Variants in ATG2B observed in about 807,000 individuals in gnomAD.
ATG2B encodes the protein autophagy related 2B, also known as autophagy-related protein 2 homolog B.
Under a neutral mutation model 241.3 loss-of-function variants are expected in ATG2B, and 121 were observed. That is an observed-to-expected ratio of 0.50 (90% CI 0.43 to 0.58). ATG2B has a LOEUF of 0.58. ATG2B is among the 20% of genes least tolerant of loss of function. ATG2B has a pLI of 0.00. For synonymous variants in ATG2B, 858 were observed against 876.6 expected (o/e 0.98, Z 0.37); for missense variants, 2,306 against 2,491.6 (o/e 0.93, Z 1.59).
intron 18 of ATG2B, among the ~76,000 whole-genome samples, chr14:96,320,215 T>C (rs1370519435): frequency 6.6e-6 from 1 of 152,206 alleles, no homozygotes; most frequent in East Asian, 1.9e-4. Flanking sequence ...CTAGTAGAGC[T>C]GAGAACTGTT....
At position 96,304,549 on chromosome 14, in the gene ATG2B, T is replaced by A. The variant is rs1886879670; in HGVS notation, c.4788A>T (p.Val1596=). 1 of 1,612,452 alleles carries A rather than the reference T, an allele frequency of 6.2e-7. No individual in the cohort carries two copies. The highest frequency in any genetic ancestry group is 8.5e-7 in the Non-Finnish European group (1 of 1,179,534). ...CATGGTTCCTTCCTTTTCCCCCACATACTGTATTACGTCCATGTCTCGTGG... is the reference window on the plus strand; with the variant it reads ...CATGGTTCCTTCCTTTTCCCCCACAAACTGTATTACGTCCATGTCTCGTGG... ...HTPTRHGRNT[V]CGGKGRNHDF... The change falls in exon 32 of 42, where the codon GTA becomes GTT. Residue 1596 remains valine, a synonymous_variant. Coordinates refer to ENST00000359933, the MANE Select transcript of ATG2B (RefSeq NM_018036.7).
chr14:96,350,732 G>A (rs902955973), intron 1 of ATG2B, among the ~76,000 whole-genome samples: 12 of 152,086 alleles, frequency 7.9e-5, no homozygotes, highest in Admixed American at 1.3e-4. Flanking sequence ...TTTATTTTTG[G>A]AGATCACTAC....
intron 11 of ATG2B, among the ~76,000 whole-genome samples, chr14:96,330,556 G>A (rs1434634238): frequency 2.0e-5 from 3 of 152,036 alleles, no homozygotes; most frequent in African/African-American, 7.2e-5. Flanking sequence ...TGGAGGGCAG[G>A]AGTTCGAGAC....
intron 36 of ATG2B, chr14:96,292,942 T>C (rs972093209): frequency 2.6e-5 from 4 of 152,250 alleles, no homozygotes; most frequent in East Asian, 1.9e-4. Context: ...AGATTACTTA[T>C]AGTATTAATA....
intron 29 of ATG2B, among the ~76,000 whole-genome samples, chr14:96,308,268 A>ATATATG (rs1555365533): frequency 1.0e-3 from 16 of 15,344 alleles, no homozygotes; most frequent in East Asian, 8.4e-3. Context: ...ATATATATAT[A>ATATATG]TATATATATA....
At position 96,303,109 on chromosome 14, in the gene ATG2B, T is replaced by A; in HGVS notation, c.4989A>T (p.Leu1663Phe). ...RLATSQMNKFLYLYCSKEMPR... is the reference protein window; with the variant it reads ...RLATSQMNKFFYLYCSKEMPR... ...GCATTTCTTTACTGCAATACAGGTA[T>A]AAAAATTTATTCATTTGTGATGTTG... Residue 1663 changes from leucine (L) to phenylalanine (F), a missense_variant, in exon 33 of 42, where the codon TTA becomes TTT. Leu to Phe is a conservative substitution (Grantham distance 22, BLOSUM62 0). Transcript: ENST00000359933. 6.2e-7 allele frequency: 1 copy of A among 1,611,906 alleles called. No individual in the cohort carries two copies. Among genetic ancestry groups the A allele is most frequent in the Non-Finnish European group, 8.5e-7 (1 of 1,179,024 alleles).
intron 36 of ATG2B, among the ~76,000 whole-genome samples, chr14:96,294,133 T>C (rs1157724701): frequency 6.6e-6 from 1 of 152,234 alleles, no homozygotes; most frequent in African/African-American, 2.4e-5. Context: ...ATTTAAAACG[T>C]GACAACCCTT....
At chr14:96,286,016 G>C in intron 41 of ATG2B, 31 bp from the exon 42 acceptor site, 2 of 1,568,756 alleles carry the variant, frequency 1.3e-6, no homozygotes, top group Non-Finnish European at 8.7e-7. Context: ...GGAGAGAGGA[G>C]GGCAGTGAAC....
rs1447730554 is a variant in ATG2B at position 96,283,798 on chromosome 14, CTT to C, written c.*1955_*1956del. ...CATCTTGGCTGAACTGACAACGAAT[CTT>C]TTTGAGACACAACGTTTCTGTTCCC... On this transcript the variant is annotated 3_prime_UTR_variant, in exon 42 of 42. Transcript: ENST00000359933. 1 of 152,226 alleles carries C rather than the reference CTT, an allele frequency of 6.6e-6. No homozygotes were observed. The highest frequency in any genetic ancestry group is 2.4e-5 in the African/African-American group (1 of 41,448). The allele number at this position is 152,226 out of a possible 1,614,324, so 9.4% of individuals were successfully genotyped here. A position where few individuals can be genotyped will look rare whatever the true frequency, so the allele number is the denominator to read the frequency against.
At position 96,332,326 on chromosome 14, in the gene ATG2B, G is replaced by A. The variant is rs1164152428; in HGVS notation, c.1447C>T (p.Pro483Ser). ...TTACATGTCTTCTGTAAAGGTGTTG[G>A]GTGAACTAGGTTGGATGGAAATGTT... ...GSTFPSNLVH[P>S]TPLQKTSLPS... Residue 483 changes from proline (P) to serine (S), a missense_variant, in exon 10 of 42, where the codon CCA (proline) becomes TCA (serine). Pro to Ser is a moderately conservative substitution (Grantham distance 74). Coordinates refer to ENST00000359933, the MANE Select transcript of ATG2B (RefSeq NM_018036.7). 2 of 1,613,396 alleles carry A rather than the reference G, an allele frequency of 1.2e-6. No individual in the cohort carries two copies. The highest frequency in any genetic ancestry group is 1.7e-5 in the Admixed American group (1 of 60,008).
chr14:96,332,714 G>A, intron 8 of ATG2B, 59 bp from the exon 9 acceptor site: 3 of 1,392,670 alleles, frequency 2.2e-6, no homozygotes, highest in Non-Finnish European at 2.9e-6. Flanking sequence ...AGTCTTTTAA[G>A]TAAGTTAATA....
At chr14:96,336,967 C>T (rs988256193) in intron 6 of ATG2B, among the ~76,000 whole-genome samples, 1 of 152,180 alleles carries the variant, frequency 6.6e-6, no homozygotes, top group African/African-American at 2.4e-5. Context: ...CTACTTTCCT[C>T]CTCCTCCAAC....
intron 37 of ATG2B, 151 bp downstream of exon 37, chr14:96,291,874 GTAAA>G: frequency 1.6e-6 from 1 of 619,392 alleles, no homozygotes; most frequent in Non-Finnish European, 2.6e-6. Flanking sequence ...TGGTACTTAA[GTAAA>G]TATTTACATT....
chr14:96,316,878 T>C (rs1887327789), intron 20 of ATG2B, among the ~76,000 whole-genome samples, 195 bp from the exon 21 acceptor site: 3 of 152,230 alleles, frequency 2.0e-5, no homozygotes, highest in Admixed American at 6.5e-5. Flanking sequence ...GAACCTCTTC[T>C]ATCAGATGAA....
At chr14:96,329,416 T>C (rs1887671259) in intron 12 of ATG2B, 68 bp downstream of exon 12, 7 of 1,129,556 alleles carry the variant, frequency 6.2e-6, no homozygotes, top group African/African-American at 1.6e-5. Flanking sequence ...AATCATTGCC[T>C]CATACAATCA....
intron 1 of ATG2B, among the ~76,000 whole-genome samples, chr14:96,354,737 C>G (rs920427636): frequency 6.6e-6 from 1 of 152,190 alleles, no homozygotes; most frequent in Non-Finnish European, 1.5e-5. Context: ...ACACTCCCAT[C>G]AACAGTGTAA....
chr14:96,308,199 CATAT>C (rs1337082116), intron 29 of ATG2B, among the ~76,000 whole-genome samples: 5 of 111,278 alleles, frequency 4.5e-5, no homozygotes, highest in East Asian at 2.5e-4. Context: ...TATATATATA[CATAT>C]ATATATAAAT....
chr14:96,323,671 T>C (rs1331713367), intron 16 of ATG2B, among the ~76,000 whole-genome samples: 2 of 152,060 alleles, frequency 1.3e-5, no homozygotes, highest in African/African-American at 4.8e-5. Context: ...TAATAGACAG[T>C]GGAGAGGAGG....
rs1886845775 is a variant in ATG2B, at chr14:96,303,259, A to G, written c.4843-4T>C. Reference sequence around the variant, plus strand: ...AGACTTCATGCTGAAACTTCACCTTAACGGGTAAGGAGGAAGAACGCGGAA... The same window carrying G: ...AGACTTCATGCTGAAACTTCACCTTGACGGGTAAGGAGGAAGAACGCGGAA... On this transcript the variant is annotated splice_region_variant and splice_polypyrimidine_tract_variant and intron_variant, in intron 32 of 41. Transcript: ENST00000359933. 1.4e-5 allele frequency: 21 copies of G among 1,554,436 alleles called. No homozygotes were observed. Among genetic ancestry groups the G allele is most frequent in the Non-Finnish European group, 1.5e-5 (17 of 1,147,088 alleles).
Sources: allele counts gnomAD v4.1 joint callset (sites outside exome capture counted in the v4.1 genomes callset), GRCh38; gene constraint gnomAD v4.1.1; transcripts MANE v1.5; gene names NCBI Gene and HGNC (gene_info 2026-07-23, HGNC 2026-07-21).